SNX31: variants seen among roughly 807,000 people sequenced by gnomAD.
SNX31 encodes sorting nexin 31, also known as sorting nexin-31.
Under a neutral mutation model 65.4 loss-of-function variants are expected in SNX31, and 58 were observed. The ratio of observed to expected loss-of-function variants is 0.89; its 90% CI spans 0.72 to 1.10. The LOEUF is 1.10. Ranked by LOEUF, SNX31 falls within the 50% of genes least tolerant of loss-of-function variation. SNX31 has a pLI of 0.00. For synonymous variants in SNX31, 181 were observed against 190.1 expected (o/e 0.95, Z 0.39); for missense variants, 523 against 529.7 (o/e 0.99, Z 0.12).
At chr8:100,592,909 T>C (rs992794992) in intron 10 of SNX31, among the ~76,000 whole-genome samples, 11 of 152,102 alleles carry the variant, frequency 7.2e-5, no homozygotes, top group African/African-American at 2.7e-4. Flanking sequence ...CGGGTCGGAG[T>C]TAGCTCAAGC....
chr8:100,580,168 A>C (rs543937042), intron 12 of SNX31, among the ~76,000 whole-genome samples: 12,614 of 151,762 alleles, frequency 0.083, 1,724 homozygotes, highest in African/African-American at 0.28. Context: ...AAAAAAAAAA[A>C]AAAAAAAAAC....
chr8:100,632,492 G>A (rs913805999), intron 3 of SNX31, among the ~76,000 whole-genome samples: 1 of 152,042 alleles, frequency 6.6e-6, no homozygotes, highest in African/African-American at 2.4e-5. Flanking sequence ...AAAATAATGA[G>A]ATAAATCTAT....
At chr8:100,621,317 C>A (rs1387518539) in intron 4 of SNX31, among the ~76,000 whole-genome samples, 1 of 152,182 alleles carries the variant, frequency 6.6e-6, no homozygotes, top group Non-Finnish European at 1.5e-5. Context: ...TCTTTTCACT[C>A]TCAAAAGCAT....
chr8:100,644,842 T>C (rs1587084591), intron 2 of SNX31, among the ~76,000 whole-genome samples: 2 of 152,338 alleles, frequency 1.3e-5, no homozygotes, highest in South Asian at 4.1e-4. Context: ...TTTTTTGTAT[T>C]TTAGTAGAGA....
At chr8:100,661,129 C>T (rs952753265) in intron 1 of SNX31, among the ~76,000 whole-genome samples, 1 of 151,996 alleles carries the variant, frequency 6.6e-6, no homozygotes. Context: ...CCTCAGCCTC[C>T]CGAGTAGCTG....
intron 3 of SNX31, among the ~76,000 whole-genome samples, chr8:100,632,564 A>G (rs1162976876): frequency 2.6e-5 from 4 of 152,144 alleles, no homozygotes; most frequent in Non-Finnish European, 5.9e-5. Flanking sequence ...GTCAACATAC[A>G]GGAGAAAAAC....
At position 100,630,586 on chromosome 8, in the gene SNX31, C is replaced by T. The variant is rs1247865152; in HGVS notation, c.257-195G>A. 6.6e-6 allele frequency among the ~76,000 whole-genome samples: 1 copy of T among 152,184 alleles called. No homozygotes were observed. Among genetic ancestry groups the T allele is most frequent in the Non-Finnish European group, 1.5e-5 (1 of 68,030 alleles). Reference sequence around the variant, plus strand: ...CTATAGGCAGCCTTAACAACAGGAACCCATGACACCCATCCAGGGTGACAG... The same window carrying T: ...CTATAGGCAGCCTTAACAACAGGAATCCATGACACCCATCCAGGGTGACAG... On this transcript the variant is annotated intron_variant, in intron 3 of 13. Coordinates refer to ENST00000311812, the MANE Select transcript of SNX31 (RefSeq NM_152628.4). This position sits in a 1 kb window ranked among gnomAD's most constrained non-coding sequence, Gnocchi z 5.3.
In SNX31 at chr8:100,660,477, C is replaced by T. The variant is rs28373071; in HGVS notation, c.-58+2665G>A. Among the ~76,000 whole-genome samples, 17,911 of 152,176 alleles carry T rather than the reference C, an allele frequency of 0.12. 1,499 individuals are homozygous for T. The highest frequency in any genetic ancestry group is 0.23 in the African/African-American group (9,535 of 41,474). On this transcript the variant is annotated intron_variant, in intron 1 of 5. Coordinates refer to the SNX31 transcript ENST00000520352. The surrounding 1 kb of genome is among the most constrained non-coding windows in gnomAD (Gnocchi z 4.1). ...GTAAAGACAATGTTTTACCCATGCC[C>T]GCAGGCTCTTCAGAGTGATACTAAA...
intron 10 of SNX31, among the ~76,000 whole-genome samples, chr8:100,590,976 G>A (rs879209527): frequency 6.6e-6 from 1 of 152,170 alleles, no homozygotes; most frequent in Admixed American, 6.5e-5. Context: ...CCCAAACAGA[G>A]CCCAGGGGTC....
In SNX31 at chr8:100,599,040, T is replaced by C. The variant is rs79389711; in HGVS notation, c.774+1309A>G. 1.5e-3 allele frequency among the ~76,000 whole-genome samples: 230 copies of C among 152,374 alleles called. 1 individual carries two copies. The highest frequency in any genetic ancestry group is 5.3e-3 in the African/African-American group (220 of 41,588). On this transcript the variant is annotated intron_variant, in intron 9 of 13. Transcript: ENST00000311812. ...TATAGTTGTTAATGTGTTTGCTCCA[T>C]TAGCAGAAGAACTTGACAAACAAAT...
intron 7 of SNX31, among the ~76,000 whole-genome samples, 180 bp from the exon 8 acceptor site, chr8:100,608,743 C>A (rs1816424092): frequency 6.6e-6 from 1 of 152,198 alleles, no homozygotes; most frequent in South Asian, 2.1e-4. Context: ...TTCCTAATTT[C>A]TTTACACCGT....
intron 10 of SNX31, among the ~76,000 whole-genome samples, chr8:100,589,301 CA>C (rs35464482): frequency 0.011 from 1,049 of 96,368 alleles, 2 homozygotes; most frequent in Non-Finnish European, 0.015. Flanking sequence ...GACTTCGTCT[CA>C]AAAAAAAAAA....
chr8:100,577,426 G>A lies in SNX31; in HGVS notation c.1171-351C>T, dbSNP rs540002213. Among the ~76,000 whole-genome samples the A allele has an allele frequency of 1.4e-4, 21 of 152,348 alleles. No individual in the cohort carries two copies. The East Asian group carries it at 3.9e-3, about 28-fold the overall frequency. On this transcript the variant is annotated intron_variant, in intron 12 of 13. Transcript: ENST00000311812. ...GTTGCAATCCATATGCTGACTCAAA[G>A]CCCAGCGGGGCTTTGGTTAATCAAA...
At chr8:100,601,330 G>T (rs1243682913) in intron 8 of SNX31, among the ~76,000 whole-genome samples, 2 of 152,140 alleles carry the variant, frequency 1.3e-5, no homozygotes, top group African/African-American at 4.8e-5. Context: ...TTAACAACAT[G>T]GGAAATGTGT....
At chr8:100,599,462 T>G (rs79486136) in intron 9 of SNX31, among the ~76,000 whole-genome samples, 2 of 151,932 alleles carry the variant, frequency 1.3e-5, no homozygotes, top group Non-Finnish European at 2.9e-5. Flanking sequence ...TTTTTTTTTT[T>G]GTGACAAAGC....
rs1336887900 is a variant in SNX31 at position 100,625,734 on chromosome 8, A to G, written c.321+4593T>C. Among the ~76,000 whole-genome samples, 1 of 152,184 alleles carries G rather than the reference A, an allele frequency of 6.6e-6. No individual in the cohort carries two copies. Among genetic ancestry groups the G allele is most frequent in the East Asian group, 1.9e-4 (1 of 5,192 alleles). On this transcript the variant is annotated intron_variant, in intron 4 of 13. Transcript: ENST00000311812. The surrounding 1 kb of genome is among the most constrained non-coding windows in gnomAD (Gnocchi z 4.2). ...GAGGTCTCAAAGTGCTGCAGAACTCAAGCAACGCATAAGCTGCCTCAAAGC... is the reference window on the plus strand; with the variant it reads ...GAGGTCTCAAAGTGCTGCAGAACTCGAGCAACGCATAAGCTGCCTCAAAGC...
chr8:100,618,333 A>G, intron 4 of SNX31: 1 of 1,534,834 alleles, frequency 6.5e-7, no homozygotes, highest in Non-Finnish European at 8.7e-7. Context: ...TAACTTGCCC[A>G]GTTTTCAGTA....
intron 4 of SNX31, chr8:100,618,904 C>A (rs1390989759): frequency 6.5e-6 from 1 of 153,924 alleles, no homozygotes; most frequent in Admixed American, 6.4e-5. Context: ...CTCCTCAAAC[C>A]CCATTGCTTA....
chr8:100,584,531 A>T (rs942140937), intron 11 of SNX31, among the ~76,000 whole-genome samples: 2 of 152,136 alleles, frequency 1.3e-5, no homozygotes, highest in African/African-American at 4.8e-5. Context: ...AAACAATAAA[A>T]ACTAATTATT....
Sources: gnomAD v4.1 joint callset for allele counts (sites outside exome capture counted in the v4.1 genomes callset) on GRCh38, gnomAD v4.1.1 for gene constraint, Gnocchi (gnomAD v3.1) non-coding constraint, MANE v1.5 for transcripts, NCBI Gene and HGNC (gene_info 2026-07-23, HGNC 2026-07-21) for gene names.